The following ARFGAP3 variants were observed in gnomAD, a reference collection of about 807,000 sequenced individuals.
ARFGAP3 encodes ADP-ribosylation factor GTPase-activating protein 3.
ARFGAP3 carries 72 observed loss-of-function variants against 75.0 expected under a neutral mutation model. The observed-to-expected ratio is 0.96, with a 90% CI of 0.79 to 1.17. ARFGAP3 has a LOEUF of 1.17. ARFGAP3 is among the 50% of genes most tolerant of loss of function. The pLI is 0.00. For missense variants in ARFGAP3, 620 were observed against 626.6 expected, an observed-to-expected ratio of 0.99 and a Z score of 0.11; for synonymous variants, 221 against 217.9, an observed-to-expected ratio of 1.01 and a Z score of -0.13.
At chr22:42,831,789 C>CTTT in intron 5 of ARFGAP3, 153 bp from the exon 6 acceptor site, 1 of 1,212,960 alleles carries the variant, frequency 8.2e-7, no homozygotes, top group Non-Finnish European at 1.1e-6. Flanking sequence ...TTCTTGCTTT[C>CTTT]TTTTTTTTTT....
intron 9 of ARFGAP3, among the ~76,000 whole-genome samples, chr22:42,819,742 G>A (rs956678389): frequency 6.6e-6 from 1 of 152,170 alleles, no homozygotes; most frequent in African/African-American, 2.4e-5. Context: ...ACACTGTTCT[G>A]ACAGTTTACT....
At chr22:42,815,017 TG>T (rs1925518054) in intron 11 of ARFGAP3, among the ~76,000 whole-genome samples, 1 of 152,192 alleles carries the variant, frequency 6.6e-6, no homozygotes, top group South Asian at 2.1e-4. Context: ...GGATTATAAG[TG>T]TGAGCCACCA....
chr22:42,801,218 C>T (rs1308765753), intron 14 of ARFGAP3, among the ~76,000 whole-genome samples: 1 of 152,178 alleles, frequency 6.6e-6, no homozygotes, highest in East Asian at 1.9e-4. Flanking sequence ...GACTGACTGG[C>T]CTAGGCAGGC....
At chr22:42,820,916 A>T (rs1317982261) in intron 9 of ARFGAP3, among the ~76,000 whole-genome samples, 2 of 152,082 alleles carry the variant, frequency 1.3e-5, no homozygotes, top group South Asian at 2.1e-4. Context: ...GGGTATCACT[A>T]CCGAACTCAT....
At chr22:42,850,207 A>G (rs1437353547) in intron 1 of ARFGAP3, among the ~76,000 whole-genome samples, 3 of 152,120 alleles carry the variant, frequency 2.0e-5, no homozygotes, top group Non-Finnish European at 2.9e-5. Flanking sequence ...ATAACTCATT[A>G]AACTCCGAAT....
At position 42,797,005 on chromosome 22, in the gene ARFGAP3, A is replaced by C. The variant is rs1286890700; in HGVS notation, c.*583T>G. On this transcript the variant is annotated 3_prime_UTR_variant, in exon 16 of 16. Transcript: ENST00000263245. Reference sequence around the variant, plus strand: ...TTAAGTTTGTTAAAAGCACTCACTGAAAAACATTTTTAAATTTATAGGTCA... The same window carrying C: ...TTAAGTTTGTTAAAAGCACTCACTGCAAAACATTTTTAAATTTATAGGTCA... 1 of 152,318 alleles carries C rather than the reference A, an allele frequency of 6.6e-6. No homozygotes were observed. Among genetic ancestry groups the C allele is most frequent in the Non-Finnish European group, 1.5e-5 (1 of 68,106 alleles). The allele number at this position is 152,318 out of a possible 1,614,324, so 9.4% of individuals were successfully genotyped here. A position where few individuals can be genotyped will look rare whatever the true frequency, so the allele number is the denominator to read the frequency against.
chr22:42,840,345 T>C (rs1336887107), intron 3 of ARFGAP3, among the ~76,000 whole-genome samples: 2 of 152,210 alleles, frequency 1.3e-5, no homozygotes, highest in Non-Finnish European at 2.9e-5. Context: ...TCTGTCCAAC[T>C]CCAAAACCCA....
chr22:42,808,900 A>C lies in ARFGAP3; in HGVS notation c.1197-10T>G, dbSNP rs1227142420. 1.9e-6 allele frequency: 3 copies of C among 1,592,308 alleles called. No homozygotes were observed. The highest frequency in any genetic ancestry group is 2.6e-6 in the Non-Finnish European group (3 of 1,166,856). The stretch of plus-strand genomic sequence containing the variant: ...GCGGCGAGCAGTAGGTCTGCAATTA[A>C]AAACAGCCAAATTAGGTTAAACTAA... On this transcript the variant is annotated splice_polypyrimidine_tract_variant and intron_variant, in intron 12 of 15. Coordinates refer to ENST00000263245, the MANE Select transcript of ARFGAP3 (RefSeq NM_014570.5).
At position 42,817,856 on chromosome 22, in the gene ARFGAP3, C is replaced by T. The variant is rs1262487957; in HGVS notation, c.814G>A (p.Val272Ile). The T allele has an allele frequency of 6.3e-7, 1 of 1,599,632 alleles. No homozygotes were observed. Among genetic ancestry groups the T allele is most frequent in the Admixed American group, 1.7e-5 (1 of 57,708 alleles). The change falls in exon 10 of 16, where the codon GTT becomes ATT. Residue 272 changes from valine to isoleucine, a missense_variant and splice_region_variant. Val to Ile is a conservative substitution (Grantham distance 29, BLOSUM62 3). Transcript: ENST00000263245. ...TTATAGGCTAATCGTAATGATGAAA[C>T]ACTGCCAGAAAAACCAAATACTCCT... ...AKVVSKEESI[V>I]SSLRLAYKDL...
intron 12 of ARFGAP3, among the ~76,000 whole-genome samples, chr22:42,810,525 C>G (rs1349340372): frequency 6.6e-6 from 1 of 152,084 alleles, no homozygotes; most frequent in Non-Finnish European, 1.5e-5. Context: ...AATAGTAGAA[C>G]AAAATCATTT....
chr22:42,856,410 C>T (rs535644025), intron 1 of ARFGAP3, among the ~76,000 whole-genome samples: 122 of 152,278 alleles, frequency 8.0e-4, no homozygotes, highest in African/African-American at 2.9e-3. Context: ...TCCGACCCGA[C>T]GTGTCACCTT....
Position 42,822,274 on chromosome 22 carries a change from ATTC to A in ARFGAP3, c.805_807del (p.Glu269del). On this transcript the variant is annotated inframe_deletion, in exon 9 of 16. Coordinates refer to ENST00000263245, the MANE Select transcript of ARFGAP3 (RefSeq NM_014570.5). ...ATATAATGAAATTAAACTTACATTGATTCTTCTTTAGATACCACCTTGGCCAGG... is the reference window on the plus strand; with the variant it reads ...ATATAATGAAATTAAACTTACATTGATTCTTTAGATACCACCTTGGCCAGG... The A allele has an allele frequency of 6.2e-7, 1 of 1,609,780 alleles. No individual in the cohort carries two copies. The highest frequency in any genetic ancestry group is 8.5e-7 in the Non-Finnish European group (1 of 1,178,132).
chr22:42,855,618 G>A (rs535503533), intron 1 of ARFGAP3, among the ~76,000 whole-genome samples: 3 of 152,086 alleles, frequency 2.0e-5, no homozygotes, highest in East Asian at 3.9e-4. Flanking sequence ...AGGAGGCAGA[G>A]GTTGCAGTGA....
intron 2 of ARFGAP3, among the ~76,000 whole-genome samples, chr22:42,842,140 G>A (rs1001410857): frequency 1.9e-4 from 28 of 150,928 alleles, no homozygotes; most frequent in Admixed American, 1.8e-3. Context: ...GGGTAGCTGG[G>A]ATAACAGGCA....
chr22:42,831,097 C>G lies in ARFGAP3; in HGVS notation c.565+452G>C, dbSNP rs534443820. 3.3e-5 allele frequency among the ~76,000 whole-genome samples: 5 copies of G among 151,724 alleles called. No homozygotes were observed. The South Asian group carries it at 1.0e-3, about 32-fold the overall frequency. Reference sequence around the variant, plus strand: ...GGTGGATCACCTGAGGTCAGGAGTTCGAGATCAGCATGGCCAACATGGTGA... The same window carrying G: ...GGTGGATCACCTGAGGTCAGGAGTTGGAGATCAGCATGGCCAACATGGTGA... On this transcript the variant is annotated intron_variant, in intron 6 of 15. Coordinates refer to ENST00000263245, the MANE Select transcript of ARFGAP3 (RefSeq NM_014570.5).
chr22:42,808,800 T>C lies in ARFGAP3; in HGVS notation c.1287A>G (p.Ser429=), dbSNP rs764089084. The change falls in exon 13 of 16, where the codon TCA becomes TCG. Residue 429 remains serine, a synonymous_variant. Coordinates refer to ENST00000263245, the MANE Select transcript of ARFGAP3 (RefSeq NM_014570.5). ...GGGATTGTCTTCCAAAATACATATC[T>C]GATGAAATGGCCTTGACATTGCCAA... ...KKFGNVKAIS[S]DMYFGRQSQA... 2 of 1,613,444 alleles carry C rather than the reference T, an allele frequency of 1.2e-6. No individual in the cohort carries two copies. The highest frequency in any genetic ancestry group is 1.3e-5 in the African/African-American group (1 of 75,054).
chr22:42,808,871 G>T lies in ARFGAP3; in HGVS notation c.1216C>A (p.Pro406Thr), dbSNP rs1268966387. 1 of 1,610,902 alleles carries T rather than the reference G, an allele frequency of 6.2e-7. No homozygotes were observed. The highest frequency in any genetic ancestry group is 2.2e-5 in the East Asian group (1 of 44,810). Residue 406 changes from proline to threonine, a missense_variant, in exon 13 of 16, where the codon CCA (proline) becomes ACA (threonine). Coordinates refer to ENST00000263245, the MANE Select transcript of ARFGAP3 (RefSeq NM_014570.5). ...YSDRPTARRK[P>T]DYEPVENTDE... Reference sequence around the variant, plus strand: ...GTATTTTCAACTGGCTCATAATCTGGCTTGCGGCGAGCAGTAGGTCTGCAA... The same window carrying T: ...GTATTTTCAACTGGCTCATAATCTGTCTTGCGGCGAGCAGTAGGTCTGCAA...
At chr22:42,815,690 T>G (rs1032846481) in intron 11 of ARFGAP3, among the ~76,000 whole-genome samples, 1 of 152,192 alleles carries the variant, frequency 6.6e-6, no homozygotes, top group Non-Finnish European at 1.5e-5. Flanking sequence ...TCTAATGCCC[T>G]CAGAGACATA....
At chr22:42,827,591 C>T (rs559539387) in intron 6 of ARFGAP3, among the ~76,000 whole-genome samples, 1 of 152,326 alleles carries the variant, frequency 6.6e-6, no homozygotes, top group Admixed American at 6.5e-5. Flanking sequence ...GTCTCAAATT[C>T]CTGACCTCAG....
Sources: allele counts gnomAD v4.1 joint callset (sites outside exome capture counted in the v4.1 genomes callset), GRCh38; gene constraint gnomAD v4.1.1; transcripts MANE v1.5; gene names NCBI Gene and HGNC (gene_info 2026-07-23, HGNC 2026-07-21).